Variants in KIAA1671 observed in about 807,000 individuals in gnomAD.
KIAA1671 encodes KIAA1671.
Under a neutral mutation model 131.2 loss-of-function variants are expected in KIAA1671, and 52 were observed. That is an observed-to-expected ratio of 0.40 (90% confidence interval 0.32 to 0.50). The LOEUF is 0.50. Ranked by LOEUF, KIAA1671 falls within the 20% of genes least tolerant of loss-of-function variation. KIAA1671 has a pLI of 0.73. For synonymous variants in KIAA1671, 1,003 were observed against 961.6 expected (o/e 1.04, Z -0.80); for missense variants, 2,360 against 2,364.2 (o/e 1.00, Z 0.04).
In KIAA1671 at chr22:24,972,047, T is replaced by G. The variant is rs571344486; in HGVS notation, c.-208+19275T>G. 1.4e-4 allele frequency among the ~76,000 whole-genome samples: 22 copies of G among 152,244 alleles called. No homozygotes were observed. The South Asian group carries it at 4.6e-3, about 32-fold the overall frequency. ...AGTCCAAGATCATGCTAGAGAGAGA[T>G]GGGAATCTTTAAACATAACTTTCTG... On this transcript the variant is annotated intron_variant, in intron 1 of 12. Coordinates refer to ENST00000358431, the MANE Select transcript of KIAA1671 (RefSeq NM_001145206.2).
intron 6 of KIAA1671, among the ~76,000 whole-genome samples, chr22:25,114,021 A>G (rs1031821858): frequency 6.6e-6 from 1 of 152,128 alleles, no homozygotes; most frequent in Non-Finnish European, 1.5e-5. Flanking sequence ...ATTGGCATGA[A>G]TCCCCTAGGC....
At chr22:25,037,356 AT>A (rs944204636) in intron 4 of KIAA1671, among the ~76,000 whole-genome samples, 14 of 151,924 alleles carry the variant, frequency 9.2e-5, no homozygotes, top group Admixed American at 3.9e-4. Flanking sequence ...TTGCAAAAAA[AT>A]ATATATGTGT....
At chr22:25,058,453 C>A (rs1334293260) in intron 6 of KIAA1671, 1 of 152,152 alleles carries the variant, frequency 6.6e-6, no homozygotes, top group African/African-American at 2.4e-5. Flanking sequence ...TTTTCATGAG[C>A]CTGGCAATCT....
chr22:25,008,656 A>G (rs764327705), intron 1 of KIAA1671, among the ~76,000 whole-genome samples: 1 of 152,184 alleles, frequency 6.6e-6, no homozygotes, highest in African/African-American at 2.4e-5. Flanking sequence ...ATGAAACCCA[A>G]CCTCAGAGGG....
At position 25,029,570 on chromosome 22, in the gene KIAA1671, C is replaced by T. The variant is rs1027213322; in HGVS notation, c.1541+30C>T. 39 of 1,450,336 alleles carry T rather than the reference C, an allele frequency of 2.7e-5. No individual in the cohort carries two copies. In the African/African-American group the frequency reaches 5.1e-4, roughly 19 times the overall value. The allele number at this position is 1,450,336 out of a possible 1,614,324, so 89.8% of individuals were successfully genotyped here. ...GTAGGCACATCCCACACCCCTCTCTCAGCCGCCCACCCACACACCCTGAGG... is the reference window on the plus strand; with the variant it reads ...GTAGGCACATCCCACACCCCTCTCTTAGCCGCCCACCCACACACCCTGAGG... On this transcript the variant is annotated intron_variant, in intron 3 of 12. Transcript: ENST00000358431.
At chr22:24,958,028 C>G (rs1416037074) in intron 1 of KIAA1671, among the ~76,000 whole-genome samples, 1 of 148,646 alleles carries the variant, frequency 6.7e-6, no homozygotes, top group Non-Finnish European at 1.5e-5. Context: ...TTTTTGAGAC[C>G]CTCGACTTTA....
chr22:25,130,113 A>G (rs1426525255), intron 6 of KIAA1671, among the ~76,000 whole-genome samples: 1 of 152,244 alleles, frequency 6.6e-6, no homozygotes, highest in Admixed American at 6.5e-5. Flanking sequence ...ATTATTATCA[A>G]TATGATTATA....
intron 11 of KIAA1671, among the ~76,000 whole-genome samples, chr22:25,188,061 G>T (rs1244634722): frequency 6.6e-6 from 1 of 152,182 alleles, no homozygotes; most frequent in African/African-American, 2.4e-5. Context: ...AGCACTTTGG[G>T]AGGCTGAGGT....
At chr22:24,997,246 T>A (rs1297823696) in intron 1 of KIAA1671, among the ~76,000 whole-genome samples, 1 of 152,154 alleles carries the variant, frequency 6.6e-6, no homozygotes, top group Non-Finnish European at 1.5e-5. Flanking sequence ...AAAGCCTACC[T>A]GGGCTGGCTG....
chr22:24,989,046 C>T (rs1455112367), intron 1 of KIAA1671, among the ~76,000 whole-genome samples: 3 of 152,214 alleles, frequency 2.0e-5, no homozygotes, highest in Non-Finnish European at 2.9e-5. Context: ...AGTACACTCA[C>T]CACTTCTTCG....
intron 6 of KIAA1671, among the ~76,000 whole-genome samples, chr22:25,067,799 G>A (rs1928560642): frequency 1.3e-5 from 2 of 152,212 alleles, no homozygotes; most frequent in South Asian, 4.1e-4. Context: ...GCCAAGGGGT[G>A]TCAGAAAGGC....
chr22:25,193,756 G>A lies in KIAA1671; in HGVS notation c.*1355G>A, dbSNP rs1009056456. On this transcript the variant is annotated 3_prime_UTR_variant, in exon 13 of 13. Transcript: ENST00000358431. ...TCAGCACCAGGGACAGCAACTGCAG[G>A]GCTGTGAGGCCGGAGCCCACCTTGT... 1 of 152,222 alleles carries A rather than the reference G, an allele frequency of 6.6e-6. No homozygotes were observed. The highest frequency in any genetic ancestry group is 1.5e-5 in the Non-Finnish European group (1 of 68,088). The allele number at this position is 152,222 out of a possible 1,614,324, so 9.4% of individuals were successfully genotyped here.
intron 6 of KIAA1671, among the ~76,000 whole-genome samples, chr22:25,105,419 T>C (rs1930946168): frequency 6.6e-6 from 1 of 152,230 alleles, no homozygotes; most frequent in Non-Finnish European, 1.5e-5. Flanking sequence ...ACTTCCTGGA[T>C]CTCAGCAGCT....
At chr22:24,970,132 A>T (rs1922522257) in intron 1 of KIAA1671, among the ~76,000 whole-genome samples, 1 of 152,132 alleles carries the variant, frequency 6.6e-6, no homozygotes, top group Non-Finnish European at 1.5e-5. Flanking sequence ...AAGCCACCGG[A>T]CAGTCCCAGC....
intron 6 of KIAA1671, among the ~76,000 whole-genome samples, chr22:25,106,970 T>G (rs1195446412): frequency 6.6e-6 from 1 of 152,242 alleles, no homozygotes; most frequent in African/African-American, 2.4e-5. Flanking sequence ...AATTCCTGTG[T>G]GTGGAACTGG....
intron 6 of KIAA1671, among the ~76,000 whole-genome samples, chr22:25,077,466 C>G (rs1008177829): frequency 6.6e-6 from 1 of 152,206 alleles, no homozygotes; most frequent in African/African-American, 2.4e-5. Context: ...CCATGCTCTT[C>G]CCAGCTGCCT....
intron 3 of KIAA1671, 89 bp downstream of exon 3, chr22:25,029,629 C>A: frequency 1.1e-6 from 1 of 950,690 alleles, no homozygotes; most frequent in Non-Finnish European, 1.5e-6. Flanking sequence ...GGGCACTTGT[C>A]ACCCCCCCTC....
At chr22:25,111,644 C>G (rs1931352516) in intron 6 of KIAA1671, among the ~76,000 whole-genome samples, 1 of 152,192 alleles carries the variant, frequency 6.6e-6, no homozygotes, top group African/African-American at 2.4e-5. Flanking sequence ...CCGAGGGCAG[C>G]CGGGCAGGGG....
At chr22:25,012,649 G>C (rs1156556997) in intron 1 of KIAA1671, 3 of 152,148 alleles carry the variant, frequency 2.0e-5, no homozygotes, top group Non-Finnish European at 2.9e-5. Context: ...AACAAAACCA[G>C]TGTTGCTTGC....
Sources: gnomAD v4.1 joint callset for allele counts (sites outside exome capture counted in the v4.1 genomes callset) on GRCh38, gnomAD v4.1.1 for gene constraint, MANE v1.5 for transcripts, NCBI Gene and HGNC (gene_info 2026-07-23, HGNC 2026-07-21) for gene names.